Variants in SCYL1 observed in about 807,000 individuals in gnomAD.
SCYL1 encodes the protein SCY1 like pseudokinase 1.
SCYL1 carries 85 observed loss-of-function variants against 94.8 expected under a neutral mutation model. The observed-to-expected ratio is 0.90, with a 90% CI of 0.75 to 1.07. The LOEUF is 1.07. Ranked by LOEUF, SCYL1 falls within the 50% of genes least tolerant of loss-of-function variation. SCYL1 has a pLI of 0.00. For synonymous variants in SCYL1, 459 were observed against 435.5 expected (o/e 1.05, Z -0.67); for missense variants, 968 against 1,083.3 (o/e 0.89, Z 1.49).
At chr11:65,534,405 C>G (rs1296948995) in intron 9 of SCYL1, among the ~76,000 whole-genome samples, 5 of 152,282 alleles carry the variant, frequency 3.3e-5, no homozygotes, top group South Asian at 2.1e-4. Context: ...GAGTGAGACT[C>G]TATCTCAGAA....
chr11:65,536,464 A>T, intron 12 of SCYL1, 122 bp from the exon 13 acceptor site: 1 of 1,416,928 alleles, frequency 7.1e-7, no homozygotes, highest in Non-Finnish European at 9.8e-7. Flanking sequence ...CCCTTCACAG[A>T]TGGGAGAAAT....
intron 8 of SCYL1, among the ~76,000 whole-genome samples, chr11:65,532,350 G>A (rs980954509): frequency 6.6e-6 from 1 of 151,504 alleles, no homozygotes; most frequent in African/African-American, 2.4e-5. Flanking sequence ...GCTTGAACCT[G>A]GGAGGCAGAG....
At chr11:65,527,207 G>A in intron 6 of SCYL1, 90 bp downstream of exon 6, 1 of 1,460,292 alleles carries the variant, frequency 6.8e-7, no homozygotes. Context: ...TTGACCCTCA[G>A]GAGACAAGCA....
chr11:65,538,090 A>C lies in SCYL1; in HGVS notation c.2155A>C (p.Thr719Pro). The C allele has an allele frequency of 6.2e-7, 1 of 1,606,544 alleles. No individual in the cohort carries two copies. Among genetic ancestry groups the C allele is most frequent in the Non-Finnish European group, 8.5e-7 (1 of 1,177,170 alleles). ...PSSQEPPPDG[T>P]RLASEYNWGG... ...CTCCCAGGAGCCACCTCCTGACGGT[A>C]CACGGCTGGCCAGCGAGTATAACTG... is the stretch of plus-strand genomic sequence containing the variant. The change falls in exon 16 of 18, where the codon ACA becomes CCA. Residue 719 changes from threonine to proline, a missense_variant. Around this residue, in one of 2 missense-constraint regions of SCYL1, gnomAD observed 474 missense variants for 463.6 expected, o/e 1.02. Transcript: ENST00000270176.
At position 65,538,082 on chromosome 11, in the gene SCYL1, C is replaced by T; in HGVS notation, c.2147C>T (p.Pro716Leu). The T allele has an allele frequency of 6.2e-7, 1 of 1,607,888 alleles. No homozygotes were observed. Among genetic ancestry groups the T allele is most frequent in the Non-Finnish European group, 8.5e-7 (1 of 1,177,780 alleles). The change falls in exon 16 of 18, where the codon CCT (proline) becomes CTT (leucine). Residue 716 changes from proline to leucine, a missense_variant. Physicochemically the swap from Pro to Leu is moderately conservative, Grantham distance 98. Around this residue, in one of 2 missense-constraint regions of SCYL1, gnomAD observed 474 missense variants for 463.6 expected, o/e 1.02. Coordinates refer to ENST00000270176, the MANE Select transcript of SCYL1 (RefSeq NM_020680.4). ...GAGCCAAGCTCCCAGGAGCCACCTC[C>T]TGACGGTACACGGCTGGCCAGCGAG... Reference protein sequence around the residue: ...WQEPSSQEPPPDGTRLASEYN... With the variant: ...WQEPSSQEPPLDGTRLASEYN...
chr11:65,532,446 AT>A (rs1247636130), intron 8 of SCYL1, among the ~76,000 whole-genome samples: 4,104 of 145,242 alleles, frequency 0.028, 82 homozygotes, highest in Non-Finnish European at 0.046. Flanking sequence ...AAAAAAAAAA[AT>A]AGAAGAGGCT....
rs780494278 is a variant in SCYL1 at position 65,536,970 on chromosome 11, A to T, written c.1817-16A>T. On this transcript the variant is annotated splice_polypyrimidine_tract_variant and intron_variant, in intron 13 of 17. Coordinates refer to ENST00000270176, the MANE Select transcript of SCYL1 (RefSeq NM_020680.4). ...CCAAGACCCCCCTGAAAGCTCAGTGAGCCTCTGCTCCCCAGGAGTTCCTGC... is the reference window on the plus strand; with the variant it reads ...CCAAGACCCCCCTGAAAGCTCAGTGTGCCTCTGCTCCCCAGGAGTTCCTGC... The T allele has an allele frequency of 6.2e-7, 1 of 1,605,476 alleles. No individual in the cohort carries two copies. The highest frequency in any genetic ancestry group is 2.2e-5 in the East Asian group (1 of 44,776).
chr11:65,534,143 A>G (rs1421693634), intron 9 of SCYL1, among the ~76,000 whole-genome samples: 2 of 151,898 alleles, frequency 1.3e-5, no homozygotes, highest in African/African-American at 4.8e-5. Context: ...AGGCAGGAGA[A>G]TGGTGTGAAC....
At chr11:65,529,860 G>A (rs952387361) in intron 6 of SCYL1, among the ~76,000 whole-genome samples, 2 of 152,164 alleles carry the variant, frequency 1.3e-5, no homozygotes, top group African/African-American at 2.4e-5. Context: ...TGTGACTTTG[G>A]ACAAGCTCCT....
At chr11:65,535,623 C>A in intron 10 of SCYL1, 1 of 612,816 alleles carries the variant, frequency 1.6e-6, no homozygotes, top group South Asian at 2.2e-5. Context: ...ATCCCTTCAG[C>A]CAGGGTTTGT....
chr11:65,535,352 G>T lies in SCYL1; in HGVS notation c.1356G>T (p.Leu452=). The part of the protein sequence containing the change: ...GPIRCNTTVC[L]GKIGSYLSAS... Reference sequence around the variant, plus strand: ...TCCGCTGCAACACCACAGTCTGCCTGGGCAAAATCGGCTCCTACCTCAGTG... The same window carrying T: ...TCCGCTGCAACACCACAGTCTGCCTTGGCAAAATCGGCTCCTACCTCAGTG... Residue 452 remains leucine, a synonymous_variant, in exon 10 of 18, where the codon CTG becomes CTT. Coordinates refer to ENST00000270176, the MANE Select transcript of SCYL1 (RefSeq NM_020680.4). 1 of 1,614,240 alleles carries T rather than the reference G, an allele frequency of 6.2e-7. No individual in the cohort carries two copies.
chr11:65,536,458 T>C, intron 12 of SCYL1, 124 bp downstream of exon 12: 1 of 1,417,078 alleles, frequency 7.1e-7, no homozygotes, highest in Admixed American at 1.9e-5. Flanking sequence ...AGCTCCCCCT[T>C]CACAGATGGG....
intron 8 of SCYL1, among the ~76,000 whole-genome samples, chr11:65,532,382 G>A (rs1366650657): frequency 1.3e-5 from 2 of 149,350 alleles, no homozygotes; most frequent in East Asian, 2.0e-4. Flanking sequence ...CTGAGATTGC[G>A]CCACTGCACT....
Position 65,538,682 on chromosome 11 carries a change from G to A in SCYL1, c.*116G>A, listed in dbSNP as rs1000535755. 7.8e-6 allele frequency: 10 copies of A among 1,285,244 alleles called. No homozygotes were observed. Among genetic ancestry groups the A allele is most frequent in the Admixed American group, 5.2e-5 (2 of 38,424 alleles). 79.6% of individuals were successfully genotyped at this position (1,285,244 alleles called of 1,614,324 possible). On this transcript the variant is annotated 3_prime_UTR_variant, in exon 18 of 18. Transcript: ENST00000270176. ...GCCATCTCACGTGTACATAATCAGA[G>A]CCACAATAAATTCTATTTCACACCC...
Position 65,525,655 on chromosome 11 carries a change from T to A in SCYL1, c.193T>A (p.Phe65Ile). ...GCAGACCCAGGTGGCCAAAGCTGCCTTCAAGCGCTTCAAAACTCTACGGCA... is the reference window on the plus strand; with the variant it reads ...GCAGACCCAGGTGGCCAAAGCTGCCATCAAGCGCTTCAAAACTCTACGGCA... ...EEQTQVAKAA[F>I]KRFKTLRHPN... The change falls in exon 2 of 18, where the codon TTC (phenylalanine) becomes ATC (isoleucine). Residue 65 changes from phenylalanine to isoleucine, a missense_variant. Around this residue, in one of 2 missense-constraint regions of SCYL1, gnomAD observed 494 missense variants for 619.7 expected, o/e 0.80. Transcript: ENST00000270176. The A allele has an allele frequency of 6.2e-7, 1 of 1,612,788 alleles. No homozygotes were observed. The highest frequency in any genetic ancestry group is 8.5e-7 in the Non-Finnish European group (1 of 1,179,930).
In SCYL1 at chr11:65,538,003, G is replaced by C. The variant is rs1440788043; in HGVS notation, c.2068G>C (p.Glu690Gln). 6.2e-7 allele frequency: 1 copy of C among 1,612,980 alleles called. No individual in the cohort carries two copies. Residue 690 changes from glutamate to glutamine, a missense_variant, in exon 16 of 18, where the codon GAG (glutamate) becomes CAG (glutamine). This residue lies in a region of SCYL1 where 474 missense variants were observed against 463.6 expected (regional missense o/e 1.02). Transcript: ENST00000270176. ...CGACCACAAATCCTCCAAATCCCCA[G>C]AGTCCGACTGGAGCAGCTGGGAAGC... ...NSDHKSSKSP[E>Q]SDWSSWEAEG...
chr11:65,527,311 T>C (rs1855136449), intron 6 of SCYL1, among the ~76,000 whole-genome samples, 194 bp downstream of exon 6: 2 of 152,090 alleles, frequency 1.3e-5, no homozygotes, highest in Admixed American at 1.3e-4. Context: ...GTCCCAATAA[T>C]AGTACAGGTT....
Position 65,536,579 on chromosome 11 carries a change from T to A in SCYL1, c.1652-7T>A, listed in dbSNP as rs1855655603. On this transcript the variant is annotated splice_polypyrimidine_tract_variant and splice_region_variant and intron_variant, in intron 12 of 17. Transcript: ENST00000270176. Reference sequence around the variant, plus strand: ...CATACCCACCTCTCTCTCATGCCACTGCCCAGAGAAGGATGTCCATGCAGC... The same window carrying A: ...CATACCCACCTCTCTCTCATGCCACAGCCCAGAGAAGGATGTCCATGCAGC... 1 of 1,613,800 alleles carries A rather than the reference T, an allele frequency of 6.2e-7. No homozygotes were observed. Among genetic ancestry groups the A allele is most frequent in the Admixed American group, 1.7e-5 (1 of 59,996 alleles).
intron 6 of SCYL1, among the ~76,000 whole-genome samples, chr11:65,527,710 C>A (rs36085849): frequency 1.7e-4 from 23 of 132,130 alleles, no homozygotes; most frequent in African/African-American, 6.7e-4. Context: ...CTAGCCCGGG[C>A]GACAGTGTGA....
Sources: allele counts gnomAD v4.1 joint callset (sites outside exome capture counted in the v4.1 genomes callset), GRCh38; gene constraint gnomAD v4.1.1; regional missense constraint gnomAD v4.1.1; transcripts MANE v1.5; gene names NCBI Gene and HGNC (gene_info 2026-07-23, HGNC 2026-07-21).